Variants in CNTN5 observed in about 807,000 individuals in gnomAD.
The protein encoded by CNTN5 is contactin-5.
Under a neutral mutation model 129.1 loss-of-function variants are expected in CNTN5, and 77 were observed. That is an observed-to-expected ratio of 0.60 (90% CI 0.50 to 0.72). The LOEUF (loss-of-function observed/expected upper bound fraction) is 0.72, where lower values mean the gene tolerates loss of function less well. Ranked by LOEUF, CNTN5 falls within the 30% of genes least tolerant of loss-of-function variation. The pLI is 0.00. For synonymous variants in CNTN5, 509 were observed against 465.6 expected (o/e 1.09, Z -1.20); for missense variants, 1,478 against 1,328.8 (o/e 1.11, Z -1.75).
chr11:100,245,171 C>G (rs1452400073), intron 16 of CNTN5, among the ~76,000 whole-genome samples: 1 of 152,038 alleles, frequency 6.6e-6, no homozygotes, highest in Non-Finnish European at 1.5e-5. Flanking sequence ...TGTTTTGTCT[C>G]TCCACTCCAT....
chr11:99,581,777 C>G (rs1949604985), intron 3 of CNTN5, among the ~76,000 whole-genome samples: 1 of 151,968 alleles, frequency 6.6e-6, no homozygotes, highest in Admixed American at 6.6e-5. Context: ...TTTTCTTTAT[C>G]CAATTTTCCA....
In CNTN5 at chr11:99,725,060, T is replaced by G. The variant is rs139477239; in HGVS notation, c.56-94484T>G. Among the ~76,000 whole-genome samples, 518 of 152,330 alleles carry G rather than the reference T, an allele frequency of 3.4e-3. 3 individuals are homozygous for G. Among genetic ancestry groups the G allele is most frequent in the African/African-American group, 0.011 (466 of 41,574 alleles). On this transcript the variant is annotated intron_variant, in intron 3 of 24. Transcript: ENST00000524871. ...GTAAGTCTATTGTGAAGTCTCAAAATGGCCCAGCAAAAGGGAAAATACATC... is the reference window on the plus strand; with the variant it reads ...GTAAGTCTATTGTGAAGTCTCAAAAGGGCCCAGCAAAAGGGAAAATACATC...
At chr11:99,782,693 T>G (rs1945356031) in intron 3 of CNTN5, among the ~76,000 whole-genome samples, 1 of 151,982 alleles carries the variant, frequency 6.6e-6, no homozygotes, top group Non-Finnish European at 1.5e-5. Context: ...AACTATCTGA[T>G]CTTTGACAAA....
chr11:99,024,335 T>C (rs2135060432), intron 1 of CNTN5, among the ~76,000 whole-genome samples: 1 of 152,238 alleles, frequency 6.6e-6, no homozygotes, highest in African/African-American at 2.4e-5. Context: ...AATTATTTTA[T>C]TTAAATTGAA....
intron 1 of CNTN5, among the ~76,000 whole-genome samples, chr11:99,188,192 G>A (rs985402363): frequency 4.8e-4 from 73 of 151,898 alleles, no homozygotes; most frequent in African/African-American, 1.7e-3. Context: ...GATGGTATAA[G>A]GTTGGGTTAA....
At chr11:99,641,323 G>GCTTTTCCTATTGTTTC in intron 3 of CNTN5, among the ~76,000 whole-genome samples, 1 of 152,166 alleles carries the variant, frequency 6.6e-6, no homozygotes, top group South Asian at 2.1e-4. Flanking sequence ...GATCAACTTT[G>GCTTTTCCTATTGTTTC]ATAATAATAA....
At chr11:100,074,915 C>T (rs1332369999) in intron 13 of CNTN5, among the ~76,000 whole-genome samples, 1 of 152,096 alleles carries the variant, frequency 6.6e-6, no homozygotes, top group East Asian at 1.9e-4. Flanking sequence ...CATCACATGG[C>T]AATCTATTTG....
rs779322186 is a variant in CNTN5, at chr11:100,193,645, T to C, written c.1866T>C (p.His622=). ...TTGATTTCGAGGAAGAGGGTGGACA[T>C]TTTGAAAGCATCAGGGCCGTAAGTG... ...QPIDFEEEGG[H]FESIRAQASS... Residue 622 remains histidine, a synonymous_variant, in exon 15 of 25, where the codon CAT becomes CAC. Coordinates refer to ENST00000524871, the MANE Select transcript of CNTN5 (RefSeq NM_014361.4). 3.7e-6 allele frequency: 6 copies of C among 1,611,492 alleles called. No individual in the cohort carries two copies. Among genetic ancestry groups the C allele is most frequent in the East Asian group, 2.2e-5 (1 of 44,748 alleles).
chr11:99,088,059 G>A, intron 1 of CNTN5, among the ~76,000 whole-genome samples: 1 of 152,130 alleles, frequency 6.6e-6, no homozygotes, highest in East Asian at 1.9e-4. Context: ...CTTTTTGGAG[G>A]AGAGGTGCTG....
chr11:99,143,278 T>G (rs1175714647), intron 1 of CNTN5, among the ~76,000 whole-genome samples: 2 of 148,528 alleles, frequency 1.3e-5, no homozygotes, highest in East Asian at 1.9e-4. Flanking sequence ...TAAAAATATA[T>G]AAATATATTT....
intron 7 of CNTN5, among the ~76,000 whole-genome samples, chr11:99,934,907 T>C (rs1277144952): frequency 2.2e-3 from 6 of 2,694 alleles, no homozygotes; most frequent in Middle Eastern, 0.12. Flanking sequence ...TGTATATATA[T>C]ATATATATAT....
intron 7 of CNTN5, among the ~76,000 whole-genome samples, chr11:99,942,095 A>T (rs182219873): frequency 6.6e-6 from 1 of 152,236 alleles, no homozygotes; most frequent in Admixed American, 6.6e-5. Flanking sequence ...GGGCAACTCA[A>T]GATAGCTCCA....
intron 13 of CNTN5, among the ~76,000 whole-genome samples, chr11:100,127,179 A>G (rs73563200): frequency 0.071 from 9,847 of 137,842 alleles, 793 homozygotes; most frequent in African/African-American, 0.21. Flanking sequence ...GTCTCAATCT[A>G]TCCACTCACG....
intron 1 of CNTN5, among the ~76,000 whole-genome samples, chr11:99,127,167 T>C (rs1858679678): frequency 6.6e-6 from 1 of 152,230 alleles, no homozygotes; most frequent in South Asian, 2.1e-4. Context: ...GAACCCATTA[T>C]AGCCTACTTG....
At chr11:99,912,878 T>C (rs939229339) in intron 6 of CNTN5, among the ~76,000 whole-genome samples, 2 of 152,120 alleles carry the variant, frequency 1.3e-5, no homozygotes, top group African/African-American at 4.8e-5. Context: ...CAGAAAGATA[T>C]TTATTTCAGT....
intron 1 of CNTN5, among the ~76,000 whole-genome samples, chr11:99,312,136 A>G (rs1464321625): frequency 6.6e-6 from 1 of 152,208 alleles, no homozygotes; most frequent in African/African-American, 2.4e-5. Context: ...ATAAAACATG[A>G]ATATATATTT....
intron 1 of CNTN5, among the ~76,000 whole-genome samples, chr11:99,092,029 G>A (rs750949207): frequency 2.0e-5 from 3 of 152,092 alleles, no homozygotes; most frequent in Non-Finnish European, 2.9e-5. Flanking sequence ...ATTAAGTGGT[G>A]TATTAATAAT....
intron 1 of CNTN5, among the ~76,000 whole-genome samples, chr11:99,078,549 T>C (rs1199592959): frequency 6.6e-6 from 1 of 152,074 alleles, no homozygotes; most frequent in Non-Finnish European, 1.5e-5. Flanking sequence ...AACAGATGAA[T>C]AAATAAATAA....
At chr11:99,470,669 A>G (rs1237254443) in intron 2 of CNTN5, among the ~76,000 whole-genome samples, 6 of 152,100 alleles carry the variant, frequency 3.9e-5, no homozygotes, top group Non-Finnish European at 5.9e-5. Flanking sequence ...TGCCCCAAAG[A>G]GGCATCAAAC....
Sources: allele counts gnomAD v4.1 joint callset (sites outside exome capture counted in the v4.1 genomes callset), GRCh38; gene constraint gnomAD v4.1.1; transcripts MANE v1.5; gene names NCBI Gene and HGNC (gene_info 2026-07-23, HGNC 2026-07-21).